The following DSCAML1 variants were observed in gnomAD, a reference collection of about 807,000 sequenced individuals.
DSCAML1 encodes the protein cell adhesion molecule DSCAML1.
DSCAML1 carries 38 observed loss-of-function variants against 200.5 expected under a neutral mutation model. The ratio of observed to expected loss-of-function variants is 0.19; its 90% CI spans 0.15 to 0.25. The LOEUF (loss-of-function observed/expected upper bound fraction) is 0.25, where lower values mean the gene tolerates loss of function less well. DSCAML1 is among the 10% of genes least tolerant of loss of function. DSCAML1 has a pLI of 1.00. For synonymous variants in DSCAML1, 1,215 were observed against 1,165.0 expected (o/e 1.04, Z -0.87); for missense variants, 2,223 against 2,858.8 (o/e 0.78, Z 5.07).
Position 117,428,490 on chromosome 11 carries a change from G to A in DSCAML1, c.6000C>T (p.Ser2000=), listed in dbSNP as rs750127893. 1.6e-4 allele frequency: 247 copies of A among 1,534,894 alleles called. 1 individual carries two copies. Among genetic ancestry groups the A allele is most frequent in the South Asian group, 3.0e-4 (24 of 80,220 alleles). ...CGGTGCTGGGGGCCGGAGGGGCAGC[G>A]CTGGGGGCGGTGGGTGGCTCAGCAG... ...PTPAEPPTAP[S]AAPPAPSTEP... The change falls in exon 33 of 33, where the codon AGC becomes AGT. Residue 2000 remains serine (S), a synonymous_variant. Coordinates refer to ENST00000651296, the MANE Select transcript of DSCAML1 (RefSeq NM_020693.4).
chr11:117,696,448 T>C (rs1479388006), intron 3 of DSCAML1, among the ~76,000 whole-genome samples: 1 of 152,216 alleles, frequency 6.6e-6, no homozygotes, highest in Non-Finnish European at 1.5e-5. Context: ...AAATCATAAA[T>C]GTATAATGTG....
intron 1 of DSCAML1, among the ~76,000 whole-genome samples, chr11:117,785,024 C>G (rs1160233616): frequency 1.3e-5 from 2 of 152,228 alleles, no homozygotes; most frequent in African/African-American, 4.8e-5. Context: ...TCGGCTGACT[C>G]CTGCACCCTT....
chr11:117,521,762 C>CGG (rs34512794), intron 5 of DSCAML1, among the ~76,000 whole-genome samples: 2,032 of 151,790 alleles, frequency 0.013, 39 homozygotes, highest in African/African-American at 0.045. Flanking sequence ...CCTCAGAAAC[C>CGG]GGGGGGGGCA....
intron 3 of DSCAML1, among the ~76,000 whole-genome samples, chr11:117,718,683 C>A (rs1395641128): frequency 1.3e-4 from 14 of 108,236 alleles, no homozygotes; most frequent in African/African-American, 6.7e-5. Flanking sequence ...CCCCCCCCCC[C>A]ATCATATGAG....
chr11:117,611,261 C>T (rs1218069457), intron 3 of DSCAML1: 1 of 152,296 alleles, frequency 6.6e-6, no homozygotes, highest in Non-Finnish European at 1.5e-5. Flanking sequence ...GATCCCAGCC[C>T]ATGCGCAGCT....
At chr11:117,688,406 A>G (rs1412639275) in intron 3 of DSCAML1, among the ~76,000 whole-genome samples, 1 of 152,210 alleles carries the variant, frequency 6.6e-6, no homozygotes, top group African/African-American at 2.4e-5. Flanking sequence ...TCTCAGTCCC[A>G]GCAGGACAAG....
At chr11:117,616,856 C>A (rs78449855) in intron 3 of DSCAML1, among the ~76,000 whole-genome samples, 2 of 152,118 alleles carry the variant, frequency 1.3e-5, no homozygotes, top group Non-Finnish European at 2.9e-5. Context: ...ATGGCCCAAC[C>A]GTGATTGACT....
chr11:117,542,373 C>A (rs899590625), intron 3 of DSCAML1, among the ~76,000 whole-genome samples: 1 of 151,314 alleles, frequency 6.6e-6, no homozygotes, highest in African/African-American at 2.5e-5. Flanking sequence ...ACAGTGCAGG[C>A]GATGTAGTGC....
rs751527259 is a variant in DSCAML1, at chr11:117,521,443, G to A, written c.938-38C>T. The A allele has an allele frequency of 2.5e-6, 4 of 1,597,876 alleles. No individual in the cohort carries two copies. The South Asian group carries it at 4.4e-5, about 18-fold the overall frequency. ...AGGGAGACGTGAGGGGAAATGGGAG[G>A]GAGGAAAGAACAGAAAAAGGGCTTA... On this transcript the variant is annotated intron_variant, in intron 5 of 32. Transcript: ENST00000651296.
rs549910966 is a variant in DSCAML1, at chr11:117,458,565, C to T, written c.3568+189G>A. ...GTGCGGGGGGAGGTGCAGGGAGGTTCACAGTTGCTTATCTGCTCACGCATG... is the reference window on the plus strand; with the variant it reads ...GTGCGGGGGGAGGTGCAGGGAGGTTTACAGTTGCTTATCTGCTCACGCATG... On this transcript the variant is annotated intron_variant, in intron 19 of 32. Transcript: ENST00000651296. Among the ~76,000 whole-genome samples, 585 of 152,018 alleles carry T rather than the reference C, an allele frequency of 3.8e-3. 9 individuals are homozygous for T. The highest frequency in any genetic ancestry group is 4.4e-3 in the Non-Finnish European group (299 of 67,874).
chr11:117,626,267 G>A (rs545436580), intron 3 of DSCAML1, among the ~76,000 whole-genome samples: 117 of 148,912 alleles, frequency 7.9e-4, no homozygotes, highest in Admixed American at 1.4e-3. Context: ...ACCTGCCCCT[G>A]CTCAACCTTG....
At chr11:117,650,101 C>T (rs571140439) in intron 3 of DSCAML1, among the ~76,000 whole-genome samples, 1 of 152,324 alleles carries the variant, frequency 6.6e-6, no homozygotes, top group South Asian at 2.1e-4. Flanking sequence ...CTGTGGTCCC[C>T]AGATACGGCT....
intron 11 of DSCAML1, among the ~76,000 whole-genome samples, chr11:117,502,194 T>G (rs1051961017): frequency 1.3e-5 from 2 of 152,186 alleles, no homozygotes; most frequent in African/African-American, 4.8e-5. Context: ...CTGAGGCACG[T>G]GGGGTCCCCT....
intron 32 of DSCAML1, 113 bp from the exon 33 acceptor site, chr11:117,428,916 G>T: frequency 2.9e-6 from 3 of 1,024,178 alleles, no homozygotes; most frequent in Non-Finnish European, 4.2e-6. Flanking sequence ...TGGCATAGGG[G>T]CCCCTCCACT....
chr11:117,522,170 C>G (rs1414897560), intron 5 of DSCAML1, among the ~76,000 whole-genome samples: 3 of 152,208 alleles, frequency 2.0e-5, no homozygotes, highest in Non-Finnish European at 4.4e-5. Flanking sequence ...CATTCTGTGC[C>G]TAATTCTTGC....
At position 117,461,516 on chromosome 11, in the gene DSCAML1, G is replaced by A. The variant is rs1261758140; in HGVS notation, c.3346C>T (p.Arg1116Cys). ...VAVISWSEPP[R>C]STLNGVLKGY... ...TTGAGGACGCCATTGAGGGTGCTGCGCGGGGGCTCTGACCAGGAGATGACG... is the reference window on the plus strand; with the variant it reads ...TTGAGGACGCCATTGAGGGTGCTGCACGGGGGCTCTGACCAGGAGATGACG... Residue 1116 changes from arginine (R) to cysteine (C), a missense_variant, in exon 18 of 33, where the codon CGC (arginine) becomes TGC (cysteine). By Grantham distance (180) the Arg-to-Cys change is radical. This residue lies in a region of DSCAML1 where 438 missense variants were observed against 629.7 expected (regional missense o/e 0.70). Transcript: ENST00000651296. 2.5e-6 allele frequency: 4 copies of A among 1,614,096 alleles called. No homozygotes were observed. The highest frequency in any genetic ancestry group is 1.1e-5 in the South Asian group (1 of 91,092).
chr11:117,659,337 ACC>A (rs2052796501), intron 3 of DSCAML1, among the ~76,000 whole-genome samples: 1 of 152,208 alleles, frequency 6.6e-6, no homozygotes, highest in East Asian at 1.9e-4. Flanking sequence ...TATAAATCTA[ACC>A]ACAGACTATG....
rs150175195 is a variant in DSCAML1, at chr11:117,806,483, T to C, written c.-250+10907A>G. Among the ~76,000 whole-genome samples the C allele has an allele frequency of 4.8e-4, 73 of 152,336 alleles. 1 individual carries two copies. The East Asian group carries it at 0.013, about 27-fold the overall frequency. On this transcript the variant is annotated intron_variant, in intron 1 of 2. Transcript: ENST00000525836. ...CTGCATCAGCCAAAGTAGCTTCTTC[T>C]TTTGGCAAATCATAATCAGAGTCCT...
chr11:117,699,422 CCAGAG>C (rs1331146694), intron 3 of DSCAML1, among the ~76,000 whole-genome samples: 1 of 152,184 alleles, frequency 6.6e-6, no homozygotes, highest in Non-Finnish European at 1.5e-5. Context: ...CGATGTCACC[CCAGAG>C]CAGAGGGGTT....
Sources: allele counts gnomAD v4.1 joint callset (sites outside exome capture counted in the v4.1 genomes callset), GRCh38; gene constraint gnomAD v4.1.1; regional missense constraint gnomAD v4.1.1; transcripts MANE v1.5; gene names NCBI Gene and HGNC (gene_info 2026-07-23, HGNC 2026-07-21).